CSMD1: variants seen among roughly 807,000 people sequenced by gnomAD.
CSMD1 encodes CUB and Sushi multiple domains 1.
Under a neutral mutation model 417.5 loss-of-function variants are expected in CSMD1, and 213 were observed. The ratio of observed to expected loss-of-function variants is 0.51; its 90% CI spans 0.46 to 0.57. The LOEUF is 0.57. Ranked by LOEUF, CSMD1 falls within the 20% of genes least tolerant of loss-of-function variation. CSMD1 has a pLI of 0.00. For synonymous variants in CSMD1, 2,862 were observed against 1,736.8 expected (o/e 1.65, Z -16.11); for missense variants, 6,923 against 4,529.7 (o/e 1.53, Z -15.17).
At chr8:3,911,945 T>A (rs1401598428) in intron 5 of CSMD1, among the ~76,000 whole-genome samples, 1 of 152,206 alleles carries the variant, frequency 6.6e-6, no homozygotes, top group African/African-American at 2.4e-5. Flanking sequence ...TCCCTATATG[T>A]CCACCTGAAT....
At chr8:4,189,123 C>T (rs1225029650) in intron 3 of CSMD1, among the ~76,000 whole-genome samples, 2 of 152,206 alleles carry the variant, frequency 1.3e-5, no homozygotes, top group Non-Finnish European at 1.5e-5. Context: ...CTCAAACATG[C>T]CCTGTAAACC....
At chr8:2,984,029 G>T (rs955986014) in intron 54 of CSMD1, among the ~76,000 whole-genome samples, 1 of 152,098 alleles carries the variant, frequency 6.6e-6, no homozygotes, top group Non-Finnish European at 1.5e-5. Context: ...TGAGCAAATA[G>T]AAAACTGTTA....
chr8:3,382,456 A>G (rs1318262418), intron 18 of CSMD1, among the ~76,000 whole-genome samples: 3 of 134,016 alleles, frequency 2.2e-5, no homozygotes, highest in Non-Finnish European at 3.2e-5. Flanking sequence ...AATATAATAT[A>G]TATAATATAT....
In CSMD1 at chr8:3,635,632, A is replaced by T. The variant is rs13262621; in HGVS notation, c.1010-18835T>A. On this transcript the variant is annotated intron_variant, in intron 7 of 69. Transcript: ENST00000635120. ...CTGAGTAGCTGGGACTACAGGCGCC[A>T]GCCACCATGCCTGGCTATTTTTTGT... Among the ~76,000 whole-genome samples, 8 of 150,630 alleles carry T rather than the reference A, an allele frequency of 5.3e-5. No homozygotes were observed. In the South Asian group the frequency reaches 1.7e-3, roughly 31 times the overall value.
chr8:4,368,019 G>A (rs1470857439), intron 3 of CSMD1, among the ~76,000 whole-genome samples: 1 of 152,054 alleles, frequency 6.6e-6, no homozygotes, highest in Non-Finnish European at 1.5e-5. Flanking sequence ...TTTCTTGGCT[G>A]ATTGCTCTGG....
At chr8:4,737,626 A>AT (rs1489703174) in intron 1 of CSMD1, among the ~76,000 whole-genome samples, 1 of 152,152 alleles carries the variant, frequency 6.6e-6, no homozygotes, top group Admixed American at 6.5e-5. Context: ...TATTTTACAC[A>AT]TTTTTTACCA....
intron 20 of CSMD1, among the ~76,000 whole-genome samples, chr8:3,364,623 C>T (rs1216394803): frequency 6.6e-6 from 1 of 152,060 alleles, no homozygotes; most frequent in Non-Finnish European, 1.5e-5. Flanking sequence ...ATGAGGGACC[C>T]ACCCTCATTA....
intron 3 of CSMD1, among the ~76,000 whole-genome samples, chr8:4,136,780 T>C (rs907231328): frequency 2.6e-5 from 4 of 152,188 alleles, no homozygotes; most frequent in African/African-American, 9.7e-5. Context: ...AATGATTAGT[T>C]TGTTGGACTC....
intron 5 of CSMD1, among the ~76,000 whole-genome samples, chr8:3,803,689 G>T (rs368087381): frequency 6.6e-6 from 1 of 152,278 alleles, no homozygotes; most frequent in East Asian, 1.9e-4. Flanking sequence ...AGATTTGTTG[G>T]TCAGAATTAG....
chr8:4,062,213 G>A (rs562647041), intron 3 of CSMD1, among the ~76,000 whole-genome samples: 10 of 152,156 alleles, frequency 6.6e-5, no homozygotes, highest in Admixed American at 1.3e-4. Flanking sequence ...TCCAAGCTAC[G>A]GGCCAGGTTC....
At chr8:4,328,936 G>C (rs1799709576) in intron 3 of CSMD1, among the ~76,000 whole-genome samples, 1 of 152,120 alleles carries the variant, frequency 6.6e-6, no homozygotes. Flanking sequence ...CGCTGTTTTT[G>C]CAATGCATTT....
At chr8:3,815,255 G>A (rs1289148901) in intron 5 of CSMD1, among the ~76,000 whole-genome samples, 4 of 152,132 alleles carry the variant, frequency 2.6e-5, no homozygotes, top group Non-Finnish European at 4.4e-5. Context: ...TGGGTAAAGT[G>A]TCTGAGGATG....
At chr8:4,360,498 C>G (rs565474524) in intron 3 of CSMD1, among the ~76,000 whole-genome samples, 3 of 152,176 alleles carry the variant, frequency 2.0e-5, no homozygotes, top group Admixed American at 1.3e-4. Flanking sequence ...CTGTTCCTCC[C>G]AGGTTCTTTG....
chr8:4,736,388 A>G (rs929768159), intron 1 of CSMD1, among the ~76,000 whole-genome samples: 1 of 152,104 alleles, frequency 6.6e-6, no homozygotes, highest in African/African-American at 2.4e-5. Context: ...ATTCCAGGAG[A>G]GAGAGAGAGA....
At chr8:4,713,119 G>A (rs1457669082) in intron 1 of CSMD1, among the ~76,000 whole-genome samples, 1 of 152,158 alleles carries the variant, frequency 6.6e-6, no homozygotes, top group Non-Finnish European at 1.5e-5. Flanking sequence ...TTTGAGTTAA[G>A]AAAATTGCCA....
chr8:4,295,117 C>T (rs1057353064), intron 3 of CSMD1, among the ~76,000 whole-genome samples: 3 of 89,778 alleles, frequency 3.3e-5, no homozygotes. Flanking sequence ...TAAGATTACA[C>T]ACATATAATC....
intron 2 of CSMD1, among the ~76,000 whole-genome samples, chr8:4,440,096 T>G (rs528681591): frequency 1.3e-5 from 2 of 152,168 alleles, no homozygotes; most frequent in African/African-American, 2.4e-5. Flanking sequence ...GTTAGGATAT[T>G]GGAAAAGAGG....
intron 3 of CSMD1, among the ~76,000 whole-genome samples, chr8:4,243,591 T>A (rs191377060): frequency 1.4e-4 from 22 of 152,310 alleles, no homozygotes; most frequent in African/African-American, 5.3e-4. Flanking sequence ...CAAGGAGAGA[T>A]GTCTCCATGA....
At chr8:4,586,250 T>C (rs897188233) in intron 2 of CSMD1, among the ~76,000 whole-genome samples, 1 of 152,226 alleles carries the variant, frequency 6.6e-6, no homozygotes, top group African/African-American at 2.4e-5. Flanking sequence ...CAAGTACTAG[T>C]TCTTATTCAT....
Sources: gnomAD v4.1 joint callset for allele counts (sites outside exome capture counted in the v4.1 genomes callset) on GRCh38, gnomAD v4.1.1 for gene constraint, MANE v1.5 for transcripts, NCBI Gene and HGNC (gene_info 2026-07-23, HGNC 2026-07-21) for gene names.